The following SELP variants were observed in gnomAD, a reference collection of about 807,000 sequenced individuals.
SELP encodes selectin P.
Under a neutral mutation model 104.1 loss-of-function variants are expected in SELP, and 92 were observed. The ratio of observed to expected loss-of-function variants is 0.88; its 90% CI spans 0.75 to 1.05. The LOEUF is 1.05. Ranked by LOEUF, SELP falls within the 50% of genes least tolerant of loss-of-function variation. The probability of loss-of-function intolerance (pLI) is 0.00; values close to 1 mark genes in which losing one functional copy is unlikely to be tolerated. For missense variants in SELP, 1,022 were observed against 1,017.3 expected (o/e 1.00, Z -0.06); for synonymous variants, 397 against 364.5 (o/e 1.09, Z -1.01).
intron 15 of SELP, among the ~76,000 whole-genome samples, chr1:169,591,055 T>C (rs890104823): frequency 6.6e-6 from 1 of 152,176 alleles, no homozygotes; most frequent in Non-Finnish European, 1.5e-5. Context: ...TAGGCTGGTG[T>C]TGGCCACAGT....
intron 15 of SELP, 110 bp downstream of exon 15, chr1:169,591,316 G>A: frequency 1.5e-6 from 1 of 647,564 alleles, no homozygotes; most frequent in East Asian, 3.0e-5. Context: ...CATTGCAAAA[G>A]ACATTGTAAA....
chr1:169,613,357 T>C (rs1662642730), intron 4 of SELP, among the ~76,000 whole-genome samples: 1 of 152,234 alleles, frequency 6.6e-6, no homozygotes, highest in Non-Finnish European at 1.5e-5. Context: ...TTTTGCTTCC[T>C]TTCCCTTTCC....
Position 169,617,350 on chromosome 1 carries a change from C to G in SELP, c.159G>C (p.Trp53Cys). 1.9e-6 allele frequency: 3 copies of G among 1,614,060 alleles called. No individual in the cohort carries two copies. Among genetic ancestry groups the G allele is most frequent in the Non-Finnish European group, 8.5e-7 (1 of 1,180,012 alleles). The change falls in exon 3 of 17, where the codon TGG (tryptophan) becomes TGC (cysteine). Residue 53 changes from tryptophan (W) to cysteine (C), a missense_variant. By Grantham distance (215) the Trp-to-Cys change is radical (BLOSUM62 -2). Coordinates refer to ENST00000263686, the MANE Select transcript of SELP (RefSeq NM_003005.4). The stretch of plus-strand genomic sequence containing the variant: ...TCTGGCAGTATTTACGGGAAATATT[C>G]CATGAGTATGCTTTTGTGCTGTAAT... ...TYHYSTKAYS[W>C]NISRKYCQNR... is the part of the protein sequence containing the mutation.
chr1:169,603,305 C>G (rs951654557), intron 9 of SELP, 94 bp from the exon 10 acceptor site: 605 of 648,056 alleles, frequency 9.3e-4, no homozygotes, highest in African/African-American at 4.9e-3. Context: ...CCCTCTCTCT[C>G]TCTGTGTGTG....
chr1:169,606,594 A>T (rs1377165486), intron 9 of SELP, among the ~76,000 whole-genome samples: 1 of 151,578 alleles, frequency 6.6e-6, no homozygotes, highest in Non-Finnish European at 1.5e-5. Context: ...CTCTGAAGCA[A>T]TTTTTTTCCC....
rs180832723 is a variant in SELP at position 169,625,831 on chromosome 1, T to C, written c.3+4241A>G. Among the ~76,000 whole-genome samples the C allele has an allele frequency of 4.6e-5, 7 of 152,332 alleles. No homozygotes were observed. The East Asian group carries it at 5.8e-4, about 13-fold the overall frequency. The stretch of plus-strand genomic sequence containing the variant: ...AAAACAGACATAATTCCAGTCCTCA[T>C]AGAATGCACATTCTATTGGTAGAGA... On this transcript the variant is annotated intron_variant, in intron 1 of 16. Coordinates refer to ENST00000263686, the MANE Select transcript of SELP (RefSeq NM_003005.4).
rs760210691 is a variant in SELP at position 169,611,517 on chromosome 1, C to A, written c.1122G>T (p.Trp374Cys). The change falls in exon 7 of 17, where the codon TGG becomes TGT. Residue 374 changes from tryptophan to cysteine, a missense_variant. By Grantham distance (215) the Trp-to-Cys change is radical (BLOSUM62 -2). Transcript: ENST00000263686. ...CCTCACAGGTTGGCAAGGGTGCAGA[C>A]CAGTGTCCAGAGTCAATGCAGCGGA... ...DMLRCIDSGHWSAPLPTCEAI... is the reference protein window; with the variant it reads ...DMLRCIDSGHCSAPLPTCEAI... The A allele has an allele frequency of 2.5e-6, 4 of 1,614,022 alleles. No individual in the cohort carries two copies. The highest frequency in any genetic ancestry group is 1.7e-6 in the Non-Finnish European group (2 of 1,179,972).
intron 3 of SELP, 57 bp downstream of exon 3, chr1:169,616,967 ACCAG>A: frequency 7.4e-6 from 10 of 1,352,264 alleles, no homozygotes; most frequent in South Asian, 6.4e-5. Flanking sequence ...ATGTTGGCCA[ACCAG>A]AGAAGGCAGG....
chr1:169,614,561 T>A (rs1298817385), intron 3 of SELP, among the ~76,000 whole-genome samples: 1 of 152,236 alleles, frequency 6.6e-6, no homozygotes, highest in East Asian at 1.9e-4. Flanking sequence ...GTAAGTTCTA[T>A]GGCTGAACTG....
At chr1:169,611,824 G>A (rs1159568332) in intron 6 of SELP, 147 bp from the exon 7 acceptor site, 4 of 766,556 alleles carry the variant, frequency 5.2e-6, no homozygotes, top group East Asian at 5.3e-5. Context: ...GTCCAGACTT[G>A]GATTACCAGT....
chr1:169,629,323 C>T (rs1557979426), intron 1 of SELP, among the ~76,000 whole-genome samples: 2 of 152,216 alleles, frequency 1.3e-5, no homozygotes, highest in Non-Finnish European at 2.9e-5. Context: ...CCCCACTATT[C>T]CTAAGAATTT....
intron 1 of SELP, among the ~76,000 whole-genome samples, chr1:169,629,046 C>T (rs960075405): frequency 6.6e-6 from 1 of 152,198 alleles, no homozygotes; most frequent in African/African-American, 2.4e-5. Context: ...CAGAGACCTG[C>T]CTGGTTCCTC....
intron 16 of SELP, 170 bp from the exon 17 acceptor site, chr1:169,589,631 A>G (rs1443982708): frequency 6.6e-6 from 1 of 151,752 alleles, no homozygotes; most frequent in Admixed American, 6.6e-5. Context: ...GAAAGAAAAA[A>G]ATTGCTCATC....
intron 9 of SELP, 113 bp from the exon 10 acceptor site, chr1:169,603,324 T>TGTGTGG (rs1662017119): frequency 1.4e-6 from 1 of 701,728 alleles, no homozygotes; most frequent in African/African-American, 1.8e-5. Context: ...TGTGTGTGTG[T>TGTGTGG]GTGTGTGTGT....
chr1:169,589,706 G>C (rs769883932), intron 16 of SELP: 1 of 153,524 alleles, frequency 6.5e-6, no homozygotes, highest in African/African-American at 2.4e-5. Context: ...TGCCATTCAG[G>C]CTTTTTGTAG....
In SELP at chr1:169,611,607, A is replaced by C; in HGVS notation, c.1032T>G (p.Phe344Leu). The change falls in exon 7 of 17, where the codon TTT (phenylalanine) becomes TTG (leucine). Residue 344 changes from phenylalanine to leucine, a missense_variant. Coordinates refer to ENST00000263686, the MANE Select transcript of SELP (RefSeq NM_003005.4). ...CAAATTTACAGCTGGAGCCATAGGC[A>C]AAAGCAGTGAGCGGATGAACACAGT... ...TMDCVHPLTA[F>L]AYGSSCKFEC... is the part of the protein sequence containing the mutation. 6.2e-7 allele frequency: 1 copy of C among 1,614,168 alleles called. No individual in the cohort carries two copies.
chr1:169,621,105 G>C (rs990022713), intron 1 of SELP, among the ~76,000 whole-genome samples: 1 of 147,972 alleles, frequency 6.8e-6, no homozygotes, highest in Admixed American at 6.7e-5. Flanking sequence ...GTGTGTGTGT[G>C]TGTGTGTGTG....
chr1:169,617,478 A>C, intron 2 of SELP, 64 bp from the exon 3 acceptor site: 1 of 1,523,586 alleles, frequency 6.6e-7, no homozygotes, highest in African/African-American at 1.4e-5. Context: ...CGTGATCCCA[A>C]GTATGCTTCT....
chr1:169,610,180 G>GA (rs200426723), intron 7 of SELP, among the ~76,000 whole-genome samples: 14,879 of 143,712 alleles, frequency 0.1, 904 homozygotes, highest in African/African-American at 0.17. Flanking sequence ...GACTTATAGG[G>GA]AAAAAAAAAA....
Sources: allele counts gnomAD v4.1 joint callset (sites outside exome capture counted in the v4.1 genomes callset), GRCh38; gene constraint gnomAD v4.1.1; transcripts MANE v1.5; gene names NCBI Gene and HGNC (gene_info 2026-07-23, HGNC 2026-07-21).